Variants in RABEPK observed in about 807,000 individuals in gnomAD.
The protein encoded by RABEPK is 40 kDa Rab9 effector protein.
Under a neutral mutation model 34.1 loss-of-function variants are expected in RABEPK, and 27 were observed. That is an observed-to-expected ratio of 0.79 (90% confidence interval 0.58 to 1.09). RABEPK has a LOEUF of 1.09. RABEPK is among the 50% of genes least tolerant of loss of function. The pLI is 0.00. For missense variants in RABEPK, 449 were observed against 462.6 expected (o/e 0.97, Z 0.27); for synonymous variants, 172 against 169.2 (o/e 1.02, Z -0.13).
intron 3 of RABEPK, among the ~76,000 whole-genome samples, chr9:125,211,873 G>T (rs1486620188): frequency 6.6e-6 from 1 of 152,068 alleles, no homozygotes; most frequent in Non-Finnish European, 1.5e-5. Context: ...GGAGGCTGAG[G>T]CAGGAGAATT....
intron 6 of RABEPK, among the ~76,000 whole-genome samples, chr9:125,231,873 A>G (rs1433034524): frequency 6.6e-6 from 1 of 151,526 alleles, no homozygotes; most frequent in African/African-American, 2.4e-5. Flanking sequence ...GCCAGCACTT[A>G]CAAAATCGCT....
chr9:125,231,726 G>A (rs1832192568), intron 6 of RABEPK, among the ~76,000 whole-genome samples: 1 of 151,708 alleles, frequency 6.6e-6, no homozygotes, highest in African/African-American at 2.4e-5. Flanking sequence ...GCTTGAACCT[G>A]GGAGTCAAGA....
intron 5 of RABEPK, among the ~76,000 whole-genome samples, chr9:125,223,195 G>A (rs1831479238): frequency 6.6e-6 from 1 of 152,080 alleles, no homozygotes; most frequent in Non-Finnish European, 1.5e-5. Context: ...CAGCAGAATT[G>A]CTTGAACCCA....
At chr9:125,231,894 ATTTTTTTTTTTTTT>A in intron 6 of RABEPK, among the ~76,000 whole-genome samples, 1 of 112,654 alleles carries the variant, frequency 8.9e-6, no homozygotes, top group Non-Finnish European at 1.8e-5. Context: ...AAGGAACTGT[ATTTTTTTTTTTTTT>A]TTTTTTTTGA....
chr9:125,204,303 C>T (rs574496056), intron 2 of RABEPK, among the ~76,000 whole-genome samples: 40 of 151,616 alleles, frequency 2.6e-4, no homozygotes, highest in Middle Eastern at 3.4e-3. Flanking sequence ...GACTCCTGAC[C>T]GGGCGCAATA....
At chr9:125,217,268 G>C (rs1830991474) in intron 4 of RABEPK, among the ~76,000 whole-genome samples, 1 of 152,154 alleles carries the variant, frequency 6.6e-6, no homozygotes, top group South Asian at 2.1e-4. Context: ...AGTTGATGTA[G>C]TTAAGGTTTG....
chr9:125,210,206 A>G (rs955364651), intron 3 of RABEPK, among the ~76,000 whole-genome samples: 4 of 151,966 alleles, frequency 2.6e-5, no homozygotes, highest in Non-Finnish European at 5.9e-5. Flanking sequence ...GATCGAGACC[A>G]TCCTGGCTAA....
chr9:125,204,121 T>A (rs1436213729), intron 2 of RABEPK, among the ~76,000 whole-genome samples: 1 of 130,392 alleles, frequency 7.7e-6, no homozygotes, highest in Admixed American at 8.0e-5. Context: ...GATCACGAGG[T>A]CAGGAGATCG....
At chr9:125,206,403 C>T (rs576082466) in intron 2 of RABEPK, among the ~76,000 whole-genome samples, 66 of 151,776 alleles carry the variant, frequency 4.3e-4, no homozygotes, top group African/African-American at 1.6e-3. Context: ...GAGGCTGAGG[C>T]AGGAGAATCA....
intron 2 of RABEPK, among the ~76,000 whole-genome samples, chr9:125,205,050 TG>T (rs763821509): frequency 6.6e-6 from 1 of 152,066 alleles, no homozygotes; most frequent in Non-Finnish European, 1.5e-5. Context: ...CTCAAACTCC[TG>T]GGCTCAGGCG....
chr9:125,223,848 A>G (rs1454891034), intron 5 of RABEPK, among the ~76,000 whole-genome samples: 1 of 152,114 alleles, frequency 6.6e-6, no homozygotes, highest in African/African-American at 2.4e-5. Flanking sequence ...GGCATACCAT[A>G]AACAGTAATT....
At chr9:125,210,706 C>CAA (rs35140834) in intron 3 of RABEPK, among the ~76,000 whole-genome samples, 3,093 of 83,128 alleles carry the variant, frequency 0.037, 95 homozygotes, top group African/African-American at 0.12. Context: ...GACTCCGTCT[C>CAA]AAAAAAAAAA....
chr9:125,202,011 G>A (rs1046705367), intron 1 of RABEPK, among the ~76,000 whole-genome samples: 2 of 151,566 alleles, frequency 1.3e-5, no homozygotes, highest in African/African-American at 4.8e-5. Flanking sequence ...CCAAGTTCAA[G>A]ACCAGCCTGG....
chr9:125,223,788 A>C (rs146746035), intron 5 of RABEPK, among the ~76,000 whole-genome samples: 1 of 151,782 alleles, frequency 6.6e-6, no homozygotes, highest in Non-Finnish European at 1.5e-5. Context: ...ATTTCAGGTA[A>C]TTTTAAATTA....
At position 125,234,145 on chromosome 9, in the gene RABEPK, C is replaced by G; in HGVS notation, c.*165C>G. 1 of 698,536 alleles carries G rather than the reference C, an allele frequency of 1.4e-6. No homozygotes were observed. Among genetic ancestry groups the G allele is most frequent in the Non-Finnish European group, 2.4e-6 (1 of 423,334 alleles). 43.3% of individuals were successfully genotyped at this position (698,536 alleles called of 1,614,324 possible). On this transcript the variant is annotated 3_prime_UTR_variant, in exon 8 of 8. Coordinates refer to ENST00000373538, the MANE Select transcript of RABEPK (RefSeq NM_005833.4). ...TAATTCTTATGTGCACTAAACCTTGCTATATTGCCTCTCAGAGCTCTTGGG... is the reference window on the plus strand; with the variant it reads ...TAATTCTTATGTGCACTAAACCTTGGTATATTGCCTCTCAGAGCTCTTGGG...
chr9:125,228,671 A>G (rs1196387025), intron 6 of RABEPK, among the ~76,000 whole-genome samples: 2 of 148,620 alleles, frequency 1.3e-5, no homozygotes, highest in Admixed American at 1.4e-4. Context: ...AAAAAAAGAA[A>G]AAAAAAAAAA....
At chr9:125,201,267 A>G (rs970830255) in intron 1 of RABEPK, among the ~76,000 whole-genome samples, 5 of 152,228 alleles carry the variant, frequency 3.3e-5, no homozygotes, top group African/African-American at 1.2e-4. Flanking sequence ...CAAATTTCCC[A>G]GAAGGGAAGC....
intron 5 of RABEPK, among the ~76,000 whole-genome samples, chr9:125,224,088 G>A (rs920922198): frequency 4.0e-5 from 6 of 151,468 alleles, no homozygotes; most frequent in South Asian, 2.1e-4. Context: ...CCAGCTACTC[G>A]GGAGGCTGAG....
At position 125,220,613 on chromosome 9, in the gene RABEPK, G is replaced by A; in HGVS notation, c.439G>A (p.Ala147Thr). ...SPRTFHTSSA[A>T]IGNQLYVFGG... ...AAGAACATTCCACACATCATCGGCA[G>A]CCATTGGAAACCAGCTATATGTCTT... The change falls in exon 5 of 8, where the codon GCC becomes ACC. Residue 147 changes from alanine to threonine, a missense_variant. By Grantham distance (58) the Ala-to-Thr change is moderately conservative. Coordinates refer to ENST00000373538, the MANE Select transcript of RABEPK (RefSeq NM_005833.4). 1 of 1,614,212 alleles carries A rather than the reference G, an allele frequency of 6.2e-7. No individual in the cohort carries two copies. Among genetic ancestry groups the A allele is most frequent in the South Asian group, 1.1e-5 (1 of 91,088 alleles).
Sources: gnomAD v4.1 joint callset for allele counts (sites outside exome capture counted in the v4.1 genomes callset) on GRCh38, gnomAD v4.1.1 for gene constraint, MANE v1.5 for transcripts, NCBI Gene and HGNC (gene_info 2026-07-23, HGNC 2026-07-21) for gene names.